The following TAF1B variants were observed in gnomAD, a reference collection of about 807,000 sequenced individuals.
The protein encoded by TAF1B is TATA-box binding protein associated factor, RNA polymerase I subunit B.
Under a neutral mutation model 83.9 loss-of-function variants are expected in TAF1B, and 61 were observed. That is an observed-to-expected ratio of 0.73 (90% CI 0.59 to 0.90). TAF1B has a LOEUF of 0.90. Ranked by LOEUF, TAF1B falls within the 40% of genes least tolerant of loss-of-function variation. The pLI, the probability that TAF1B is intolerant of heterozygous loss-of-function variation, is 0.00. For synonymous variants in TAF1B, 221 were observed against 224.6 expected (o/e 0.98, Z 0.14); for missense variants, 625 against 677.0 (o/e 0.92, Z 0.85).
intron 14 of TAF1B, among the ~76,000 whole-genome samples, chr2:9,922,100 G>A (rs1436137141): frequency 6.6e-6 from 1 of 152,130 alleles, no homozygotes; most frequent in Non-Finnish European, 1.5e-5. Context: ...GTAGCTAAGA[G>A]GACTTGCTAT....
intron 7 of TAF1B, among the ~76,000 whole-genome samples, chr2:9,877,310 T>TAG (rs962336723): frequency 1.3e-5 from 2 of 152,196 alleles, no homozygotes; most frequent in Non-Finnish European, 2.9e-5. Context: ...TCAGCATGAC[T>TAG]AGAGGTTCAT....
intron 9 of TAF1B, among the ~76,000 whole-genome samples, chr2:9,906,755 T>C (rs1446739598): frequency 3.3e-5 from 5 of 152,208 alleles, no homozygotes; most frequent in African/African-American, 1.2e-4. Flanking sequence ...TACCAAAATG[T>C]TAAAGTGGCT....
At chr2:9,866,240 GA>G (rs1027763859) in intron 5 of TAF1B, among the ~76,000 whole-genome samples, 4 of 151,952 alleles carry the variant, frequency 2.6e-5, no homozygotes, top group African/African-American at 9.7e-5. Context: ...AAATTTACAG[GA>G]AAAAAACAAA....
intron 14 of TAF1B, among the ~76,000 whole-genome samples, chr2:9,922,638 T>C (rs1375045309): frequency 6.6e-6 from 1 of 152,008 alleles, no homozygotes; most frequent in Non-Finnish European, 1.5e-5. Flanking sequence ...ATAGAATATA[T>C]TATTATATAT....
intron 5 of TAF1B, among the ~76,000 whole-genome samples, chr2:9,855,578 G>A (rs917630139): frequency 1.8e-4 from 27 of 152,086 alleles, no homozygotes; most frequent in African/African-American, 5.8e-4. Context: ...CAGCTACTTG[G>A]GAGGCTGAGG....
intron 6 of TAF1B, 32 bp downstream of exon 6, chr2:9,868,461 T>C (rs1336444215): frequency 1.9e-6 from 3 of 1,592,244 alleles, no homozygotes; most frequent in Middle Eastern, 1.7e-4. Context: ...TTTCGAATTT[T>C]AAAGCTGTTA....
chr2:9,925,164 G>A (rs1419954806), intron 14 of TAF1B, among the ~76,000 whole-genome samples: 1 of 151,978 alleles, frequency 6.6e-6, no homozygotes, highest in South Asian at 2.1e-4. Flanking sequence ...TACTCAGGCC[G>A]GGCAGGGTGG....
At chr2:9,918,804 A>G (rs1003269616) in intron 12 of TAF1B, among the ~76,000 whole-genome samples, 2 of 152,224 alleles carry the variant, frequency 1.3e-5, no homozygotes, top group African/African-American at 4.8e-5. Flanking sequence ...TAGCTTCTTC[A>G]AGATGTCACA....
At chr2:9,848,121 T>A (rs185405419) in intron 2 of TAF1B, among the ~76,000 whole-genome samples, 1 of 152,364 alleles carries the variant, frequency 6.6e-6, no homozygotes, top group East Asian at 1.9e-4. Flanking sequence ...TTACTGTCTT[T>A]GCTAGATAAT....
chr2:9,931,691 T>C (rs144581030), intron 14 of TAF1B, among the ~76,000 whole-genome samples: 3 of 152,356 alleles, frequency 2.0e-5, no homozygotes, highest in African/African-American at 7.2e-5. Context: ...GTTCTCTGTA[T>C]TTCCTGAAGT....
At chr2:9,882,174 C>T (rs897440794) in intron 7 of TAF1B, among the ~76,000 whole-genome samples, 9 of 151,802 alleles carry the variant, frequency 5.9e-5, no homozygotes, top group Non-Finnish European at 2.9e-5. Flanking sequence ...GGCGTTAGCT[C>T]ACTGCAACCT....
chr2:9,895,813 C>CTTTTTTT (rs34044860), intron 8 of TAF1B, among the ~76,000 whole-genome samples: 3 of 112,454 alleles, frequency 2.7e-5, no homozygotes. Context: ...GCACTGCACT[C>CTTTTTTT]TTTTTTTTTT....
intron 8 of TAF1B, among the ~76,000 whole-genome samples, chr2:9,893,141 T>TA (rs1481908300): frequency 2.0e-5 from 3 of 152,180 alleles, no homozygotes; most frequent in African/African-American, 7.2e-5. Context: ...GTTGCAAAAC[T>TA]AAGAGTAGTA....
chr2:9,847,252 C>T lies in TAF1B; in HGVS notation c.117+1934C>T, dbSNP rs79522277. Among the ~76,000 whole-genome samples the T allele has an allele frequency of 6.7e-3, 1,018 of 152,244 alleles. 16 individuals are homozygous for T. The highest frequency in any genetic ancestry group is 0.023 in the African/African-American group (939 of 41,532). ...AAGGTGGACAACATCTTTATAAAGA[C>T]CAAGAACCTAGCTCAGTGCCTTCCT... On this transcript the variant is annotated intron_variant, in intron 2 of 14. Transcript: ENST00000263663.
intron 8 of TAF1B, among the ~76,000 whole-genome samples, chr2:9,884,389 T>C (rs1306394040): frequency 1.3e-5 from 2 of 152,216 alleles, no homozygotes; most frequent in African/African-American, 4.8e-5. Context: ...GACCTGTTTG[T>C]GTTACAACTG....
At chr2:9,882,158 T>G (rs1572245624) in intron 7 of TAF1B, among the ~76,000 whole-genome samples, 1 of 151,694 alleles carries the variant, frequency 6.6e-6, no homozygotes, top group Non-Finnish European at 1.5e-5. Flanking sequence ...CAGGCTGGAG[T>G]GCAGTGGCGT....
intron 3 of TAF1B, 28 bp downstream of exon 3, chr2:9,849,488 CA>C: frequency 6.9e-7 from 1 of 1,452,178 alleles, no homozygotes; most frequent in Non-Finnish European, 9.2e-7. Context: ...ATGTACTTAA[CA>C]TTCTTTATTC....
chr2:9,900,463 G>T (rs901001289), intron 8 of TAF1B, among the ~76,000 whole-genome samples: 43 of 152,138 alleles, frequency 2.8e-4, no homozygotes, highest in Admixed American at 2.6e-4. Context: ...TTGAGCCCAG[G>T]AGGTCAAGGC....
chr2:9,903,311 T>G (rs1471462789), intron 8 of TAF1B, among the ~76,000 whole-genome samples: 3 of 152,120 alleles, frequency 2.0e-5, no homozygotes, highest in Non-Finnish European at 4.4e-5. Flanking sequence ...GGTCTCAATC[T>G]CCTGACCTCA....
Sources: gnomAD v4.1 joint callset for allele counts (sites outside exome capture counted in the v4.1 genomes callset) on GRCh38, gnomAD v4.1.1 for gene constraint, MANE v1.5 for transcripts, NCBI Gene and HGNC (gene_info 2026-07-23, HGNC 2026-07-21) for gene names.